The following ERG variants were observed in gnomAD, a reference collection of about 807,000 sequenced individuals.
ERG encodes the protein transcriptional regulator ERG.
ERG carries 9 observed loss-of-function variants against 55.3 expected under a neutral mutation model. That is an observed-to-expected ratio of 0.16 (90% CI 0.10 to 0.28). The LOEUF (loss-of-function observed/expected upper bound fraction) is 0.28, where lower values mean the gene tolerates loss of function less well. ERG is among the 10% of genes least tolerant of loss of function. The probability of loss-of-function intolerance (pLI) is 1.00; values close to 1 mark genes in which losing one functional copy is unlikely to be tolerated. For missense variants in ERG, 434 were observed against 631.6 expected, an observed-to-expected ratio of 0.69 and a Z score of 3.35; for synonymous variants, 223 against 237.3, an observed-to-expected ratio of 0.94 and a Z score of 0.55.
intron 1 of ERG, among the ~76,000 whole-genome samples, chr21:38,494,055 T>C (rs2059360209): frequency 6.6e-6 from 1 of 152,248 alleles, no homozygotes; most frequent in Non-Finnish European, 1.5e-5. Flanking sequence ...GATCCCATTT[T>C]ACAGGTGACG....
intron 2 of ERG, among the ~76,000 whole-genome samples, chr21:38,559,110 C>T (rs1331128734): frequency 2.0e-5 from 3 of 152,136 alleles, no homozygotes; most frequent in Admixed American, 6.5e-5. Flanking sequence ...AGCATTGAAG[C>T]CACAGACCTT....
intron 1 of ERG, among the ~76,000 whole-genome samples, chr21:38,590,632 C>G (rs1601286856): frequency 6.6e-6 from 1 of 151,008 alleles, no homozygotes; most frequent in Non-Finnish European, 1.5e-5. Context: ...ATCTATCCAT[C>G]CATGTATTCA....
intron 3 of ERG, among the ~76,000 whole-genome samples, chr21:38,415,661 G>T (rs1390109660): frequency 6.6e-6 from 1 of 152,130 alleles, no homozygotes; most frequent in African/African-American, 2.4e-5. Context: ...TTCTGGGCCT[G>T]AGAATAGGCT....
rs116425257 is a variant in ERG, at chr21:38,581,683, G to A, written c.-127+3161C>T. ...CAAAATCTCCATAAAATACCCTGAC[G>A]GGGTTAGGACAGCTTCTGGGCTGGT... On this transcript the variant is annotated intron_variant, in intron 1 of 8. Coordinates refer to the ERG transcript ENST00000398897. 2.4e-3 allele frequency among the ~76,000 whole-genome samples: 359 copies of A among 152,250 alleles called. 1 individual carries two copies. Among genetic ancestry groups the A allele is most frequent in the African/African-American group, 8.0e-3 (334 of 41,546 alleles).
chr21:38,474,334 C>G (rs145948118), intron 1 of ERG, among the ~76,000 whole-genome samples: 1 of 150,678 alleles, frequency 6.6e-6, no homozygotes, highest in East Asian at 2.0e-4. Context: ...GCGTGCAGCC[C>G]CTCCAGGTGA....
chr21:38,661,379 G>A (rs561300147), intron 1 of ERG, among the ~76,000 whole-genome samples: 11 of 152,324 alleles, frequency 7.2e-5, no homozygotes, highest in African/African-American at 2.4e-4. Context: ...GGACGACGTC[G>A]CGCAGAGCGT....
At chr21:38,450,834 C>A in intron 1 of ERG, 2 of 445,422 alleles carry the variant, frequency 4.5e-6, no homozygotes, top group Non-Finnish European at 9.0e-6. Context: ...ATTTTATATC[C>A]AATGACATCT....
intron 9 of ERG, among the ~76,000 whole-genome samples, chr21:38,389,507 G>A (rs533155970): frequency 5.9e-4 from 90 of 151,804 alleles, no homozygotes; most frequent in African/African-American, 2.2e-3. Flanking sequence ...CAGTCTTCCT[G>A]AAGCATGACT....
intron 2 of ERG, among the ~76,000 whole-genome samples, chr21:38,527,701 G>A (rs2059640190): frequency 6.6e-6 from 1 of 152,156 alleles, no homozygotes; most frequent in Non-Finnish European, 1.5e-5. Flanking sequence ...AAACAGCAAA[G>A]GGCAACCCAA....
chr21:38,505,941 T>C (rs2059457275), intron 2 of ERG, among the ~76,000 whole-genome samples: 1 of 152,208 alleles, frequency 6.6e-6, no homozygotes, highest in Non-Finnish European at 1.5e-5. Context: ...TTAAATTCCT[T>C]GAATTGACAT....
intron 1 of ERG, among the ~76,000 whole-genome samples, chr21:38,494,436 C>T (rs1256002858): frequency 2.0e-5 from 3 of 152,186 alleles, no homozygotes; most frequent in Non-Finnish European, 4.4e-5. Context: ...CCAATAAATC[C>T]GCCAAATTGT....
At position 38,654,466 on chromosome 21, in the gene ERG, C is replaced by T. The variant is rs111578355; in HGVS notation, c.-150+7192G>A. On this transcript the variant is annotated intron_variant, in intron 1 of 10. Coordinates refer to the ERG transcript ENST00000398910. ...CAGCCTGGGCAACAGAGCAAGGCTC[C>T]ATCTCTAAATAAATAAATACATAAA... Among the ~76,000 whole-genome samples, 47 of 152,320 alleles carry T rather than the reference C, an allele frequency of 3.1e-4. 1 individual carries two copies. The highest frequency in any genetic ancestry group is 1.1e-3 in the African/African-American group (46 of 41,580).
At chr21:38,622,736 C>T (rs1225970716) in intron 1 of ERG, among the ~76,000 whole-genome samples, 1 of 147,292 alleles carries the variant, frequency 6.8e-6, no homozygotes, top group Non-Finnish European at 1.5e-5. Flanking sequence ...CCACACCACA[C>T]ACACCACATG....
chr21:38,507,321 G>A (rs1192977422), intron 2 of ERG, among the ~76,000 whole-genome samples: 1 of 152,196 alleles, frequency 6.6e-6, no homozygotes, highest in Non-Finnish European at 1.5e-5. Context: ...CAACTGCTCG[G>A]TGACCCCGAT....
intron 1 of ERG, among the ~76,000 whole-genome samples, chr21:38,453,195 A>G (rs2058957199): frequency 1.3e-5 from 2 of 152,258 alleles, no homozygotes; most frequent in Admixed American, 6.5e-5. Context: ...CAATCCACAT[A>G]GGCTTAAATA....
At chr21:38,627,943 C>CTTTTT (rs10650499) in intron 1 of ERG, among the ~76,000 whole-genome samples, 13 of 142,626 alleles carry the variant, frequency 9.1e-5, no homozygotes, top group African/African-American at 2.8e-4. Flanking sequence ...GTTTTCTCTT[C>CTTTTT]TTTTTTTTTT....
At chr21:38,604,907 C>G (rs1315035668) in intron 1 of ERG, among the ~76,000 whole-genome samples, 2 of 152,222 alleles carry the variant, frequency 1.3e-5, no homozygotes, top group Non-Finnish European at 2.9e-5. Context: ...AAATGTTAAC[C>G]AGAAAGTGTA....
In ERG at chr21:38,385,340, A is replaced by G. The variant is rs28662486; in HGVS notation, c.920-1417T>C. On this transcript the variant is annotated intron_variant, in intron 9 of 9. Coordinates refer to ENST00000288319, the MANE Select transcript of ERG (RefSeq NM_182918.4). ...CAGCACTGCCTTAGACTTATTACCA[A>G]AAGATTACCTTTTATTATAGTGTAA... Among the ~76,000 whole-genome samples the G allele has an allele frequency of 9.5e-3, 1,443 of 152,344 alleles. 29 individuals are homozygous for G. The highest frequency in any genetic ancestry group is 0.033 in the African/African-American group (1,363 of 41,564).
At chr21:38,622,356 G>A (rs2060295925) in intron 1 of ERG, among the ~76,000 whole-genome samples, 1 of 151,884 alleles carries the variant, frequency 6.6e-6, no homozygotes, top group Non-Finnish European at 1.5e-5. Flanking sequence ...TTCAACATCA[G>A]TAGGTAACAC....
Sources: gnomAD v4.1 joint callset for allele counts (sites outside exome capture counted in the v4.1 genomes callset) on GRCh38, gnomAD v4.1.1 for gene constraint, MANE v1.5 for transcripts, NCBI Gene and HGNC (gene_info 2026-07-23, HGNC 2026-07-21) for gene names.